The following LRRTM4 variants were observed in gnomAD, a reference collection of about 807,000 sequenced individuals.
LRRTM4 encodes leucine rich repeat transmembrane neuronal 4.
In LRRTM4, 25 loss-of-function variants were observed where a neutral mutation model predicts 47.6. The observed-to-expected ratio is 0.53, with a 90% CI of 0.38 to 0.73. The LOEUF is 0.73. LRRTM4 is among the 30% of genes least tolerant of loss of function. The pLI is 0.00. For synonymous variants in LRRTM4, 311 were observed against 269.5 expected, an observed-to-expected ratio of 1.15 and a Z score of -1.51; for missense variants, 638 against 713.4, an observed-to-expected ratio of 0.89 and a Z score of 1.20.
At chr2:77,042,505 T>C (rs560294579) in intron 3 of LRRTM4, among the ~76,000 whole-genome samples, 91 of 151,818 alleles carry the variant, frequency 6.0e-4, no homozygotes, top group African/African-American at 2.1e-3. Context: ...TTGAATATTA[T>C]AGGTACTCAA....
At chr2:76,971,774 G>A (rs919198394) in intron 3 of LRRTM4, among the ~76,000 whole-genome samples, 4 of 151,918 alleles carry the variant, frequency 2.6e-5, no homozygotes, top group Non-Finnish European at 5.9e-5. Context: ...TTCCACTGAT[G>A]CATGATATGA....
chr2:77,453,224 C>T (rs1014755617), intron 3 of LRRTM4, among the ~76,000 whole-genome samples: 8 of 144,978 alleles, frequency 5.5e-5, no homozygotes, highest in African/African-American at 2.1e-4. Flanking sequence ...CTGTGTTGCC[C>T]AGGCTGGAGT....
intron 3 of LRRTM4, among the ~76,000 whole-genome samples, chr2:76,804,909 C>T (rs879694600): frequency 6.6e-6 from 1 of 151,586 alleles, no homozygotes; most frequent in Admixed American, 6.6e-5. Context: ...TATAGAAAAT[C>T]ATATCACTAA....
intron 3 of LRRTM4, among the ~76,000 whole-genome samples, chr2:77,462,952 G>T (rs1419037266): frequency 6.6e-6 from 1 of 151,838 alleles, no homozygotes; most frequent in Non-Finnish European, 1.5e-5. Context: ...CAGAAGAAAT[G>T]ACTAAAGAGC....
chr2:76,872,020 C>T (rs572897625), intron 3 of LRRTM4, among the ~76,000 whole-genome samples: 25 of 152,244 alleles, frequency 1.6e-4, no homozygotes, highest in African/African-American at 5.3e-4. Flanking sequence ...AGGCAGAAGA[C>T]CTAGCTAAGC....
At chr2:77,422,346 A>G (rs2103884603) in intron 3 of LRRTM4, among the ~76,000 whole-genome samples, 1 of 152,330 alleles carries the variant, frequency 6.6e-6, no homozygotes, top group South Asian at 2.1e-4. Flanking sequence ...TGAAAGAGCA[A>G]AACACCATAT....
chr2:77,178,287 A>G (rs1558620496), intron 3 of LRRTM4, among the ~76,000 whole-genome samples: 1 of 152,148 alleles, frequency 6.6e-6, no homozygotes, highest in Non-Finnish European at 1.5e-5. Flanking sequence ...TTCTGGGTAT[A>G]CATTTAAAAC....
chr2:76,771,053 G>A (rs1290337532), intron 3 of LRRTM4, among the ~76,000 whole-genome samples: 1 of 152,124 alleles, frequency 6.6e-6, no homozygotes, highest in Non-Finnish European at 1.5e-5. Context: ...GTTTAATGAT[G>A]TTATTCCTAG....
At chr2:77,181,933 GA>G (rs1236689294) in intron 3 of LRRTM4, among the ~76,000 whole-genome samples, 1 of 152,124 alleles carries the variant, frequency 6.6e-6, no homozygotes, top group African/African-American at 2.4e-5. Context: ...AGATGCTGGT[GA>G]GTCTGTGGAG....
chr2:77,202,327 A>G (rs1377989881), intron 3 of LRRTM4, among the ~76,000 whole-genome samples: 3 of 152,182 alleles, frequency 2.0e-5, no homozygotes, highest in African/African-American at 2.4e-5. Flanking sequence ...AAACCCAGAC[A>G]CATCAATCCG....
intron 3 of LRRTM4, among the ~76,000 whole-genome samples, chr2:76,917,228 T>C (rs1230448658): frequency 2.0e-5 from 3 of 152,280 alleles, no homozygotes; most frequent in South Asian, 4.2e-4. Context: ...TAAATCTTGG[T>C]TTACAAAACC....
chr2:76,923,101 T>C (rs1177465070), intron 3 of LRRTM4, among the ~76,000 whole-genome samples: 3 of 152,150 alleles, frequency 2.0e-5, no homozygotes, highest in South Asian at 2.1e-4. Flanking sequence ...AATGTATATA[T>C]TGACTTTCAA....
chr2:76,991,191 T>A (rs377528698), intron 3 of LRRTM4, among the ~76,000 whole-genome samples: 3 of 151,530 alleles, frequency 2.0e-5, no homozygotes, highest in Non-Finnish European at 4.4e-5. Context: ...CATCAAGAAG[T>A]TAGAAAGATC....
chr2:77,400,892 C>T (rs1289136628), intron 3 of LRRTM4, among the ~76,000 whole-genome samples: 3 of 151,890 alleles, frequency 2.0e-5, no homozygotes, highest in East Asian at 1.9e-4. Flanking sequence ...CATTTTGTAA[C>T]GATTGGAGAA....
chr2:77,040,786 G>C (rs1158671230), intron 3 of LRRTM4, among the ~76,000 whole-genome samples: 1 of 151,200 alleles, frequency 6.6e-6, no homozygotes, highest in Non-Finnish European at 1.5e-5. Flanking sequence ...TCCATTTTAA[G>C]TTTTATTTTG....
At chr2:76,808,334 A>T (rs982920581) in intron 3 of LRRTM4, among the ~76,000 whole-genome samples, 6 of 151,764 alleles carry the variant, frequency 4.0e-5, no homozygotes, top group Non-Finnish European at 7.4e-5. Flanking sequence ...TTACTTATTC[A>T]TGTATTTTCT....
intron 3 of LRRTM4, among the ~76,000 whole-genome samples, chr2:77,306,726 G>C (rs1221586396): frequency 6.6e-6 from 1 of 151,630 alleles, no homozygotes; most frequent in African/African-American, 2.4e-5. Flanking sequence ...CAAATATGCT[G>C]TTTTTCCTCC....
At chr2:77,053,345 T>C (rs1402010097) in intron 3 of LRRTM4, among the ~76,000 whole-genome samples, 1 of 152,112 alleles carries the variant, frequency 6.6e-6, no homozygotes, top group South Asian at 2.1e-4. Context: ...TGCAGGATGA[T>C]GGATAGGAAA....
At chr2:77,456,267 C>T (rs996517331) in intron 3 of LRRTM4, among the ~76,000 whole-genome samples, 1 of 152,182 alleles carries the variant, frequency 6.6e-6, no homozygotes, top group African/African-American at 2.4e-5. Context: ...GAAAGTTTTA[C>T]TATTTCCCCC....
Sources: allele counts gnomAD v4.1 joint callset (sites outside exome capture counted in the v4.1 genomes callset), GRCh38; gene constraint gnomAD v4.1.1; transcripts MANE v1.5; gene names NCBI Gene and HGNC (gene_info 2026-07-23, HGNC 2026-07-21).